The following NTRK3 variants were observed in gnomAD, a reference collection of about 807,000 sequenced individuals.
NTRK3 encodes NT-3 growth factor receptor.
NTRK3 carries 24 observed loss-of-function variants against 91.7 expected under a neutral mutation model. That is an observed-to-expected ratio of 0.26 (90% CI 0.19 to 0.37). NTRK3 has a LOEUF of 0.37. NTRK3 is among the 10% of genes least tolerant of loss of function. The pLI is 1.00. For missense variants in NTRK3, 880 were observed against 1,068.9 expected (o/e 0.82, Z 2.46); for synonymous variants, 483 against 404.0 (o/e 1.20, Z -2.34).
chr15:87,959,403 T>C (rs1217148728), intron 14 of NTRK3, among the ~76,000 whole-genome samples: 1 of 152,144 alleles, frequency 6.6e-6, no homozygotes, highest in Non-Finnish European at 1.5e-5. Flanking sequence ...TGTGACTCTC[T>C]GGAAACATCA....
intron 17 of NTRK3, among the ~76,000 whole-genome samples, chr15:87,917,367 C>G (rs1342694319): frequency 1.3e-5 from 2 of 152,192 alleles, no homozygotes; most frequent in Admixed American, 6.5e-5. Context: ...AGCAAACCAT[C>G]TGTCTGGGAT....
At chr15:87,914,488 C>T (rs1193409874) in intron 17 of NTRK3, among the ~76,000 whole-genome samples, 1 of 152,152 alleles carries the variant, frequency 6.6e-6, no homozygotes, top group African/African-American at 2.4e-5. Context: ...AAGATTTAGG[C>T]AAGTGGGGAC....
At chr15:88,144,419 T>C (rs2042686270) in intron 6 of NTRK3, among the ~76,000 whole-genome samples, 1 of 152,118 alleles carries the variant, frequency 6.6e-6, no homozygotes, top group Non-Finnish European at 1.5e-5. Context: ...AGGGTCTTGG[T>C]GCACTGCAGG....
chr15:88,121,869 C>T (rs1408491999), intron 13 of NTRK3, among the ~76,000 whole-genome samples: 1 of 152,248 alleles, frequency 6.6e-6, no homozygotes, highest in African/African-American at 2.4e-5. Flanking sequence ...TTAGCACCAT[C>T]TTAAAACCTT....
chr15:87,940,761 A>T lies in NTRK3; in HGVS notation c.1586-8T>A, dbSNP rs539611692. The stretch of plus-strand genomic sequence containing the variant: ...TCTTAATGTGCTGCACATCTGTAGG[A>T]TGGGGACAAAGAGGAGGGCAGCAAA... On this transcript the variant is annotated splice_region_variant and splice_polypyrimidine_tract_variant and intron_variant, in intron 14 of 18. Coordinates refer to ENST00000394480, the Ensembl canonical transcript of NTRK3. 5.6e-6 allele frequency: 9 copies of T among 1,614,090 alleles called. No homozygotes were observed. The African/African-American group carries it at 1.1e-4, about 19-fold the overall frequency.
chr15:88,186,019 G>C (rs2046915877), intron 3 of NTRK3, among the ~76,000 whole-genome samples: 1 of 152,194 alleles, frequency 6.6e-6, no homozygotes, highest in African/African-American at 2.4e-5. Context: ...AGGGCAGTTT[G>C]GGTGGTCTGG....
intron 13 of NTRK3, among the ~76,000 whole-genome samples, chr15:88,076,862 G>A (rs758674717): frequency 6.6e-6 from 1 of 152,064 alleles, no homozygotes; most frequent in Non-Finnish European, 1.5e-5. Context: ...GGAATCCGAG[G>A]TGGGTGGATC....
intron 18 of NTRK3, 100 bp from the exon 20 acceptor site, chr15:87,877,220 A>G: frequency 1.6e-6 from 2 of 1,260,064 alleles, no homozygotes; most frequent in Non-Finnish European, 2.3e-6. Context: ...ATTAGTTTCT[A>G]TGCAGAGCCG....
intron 13 of NTRK3, among the ~76,000 whole-genome samples, chr15:88,040,194 T>A (rs2079467745): frequency 6.6e-6 from 1 of 152,242 alleles, no homozygotes. Flanking sequence ...GAGGAAAGTC[T>A]TTGAAGAGGA....
At chr15:87,914,443 C>G (rs898854711) in intron 17 of NTRK3, among the ~76,000 whole-genome samples, 1 of 152,140 alleles carries the variant, frequency 6.6e-6, no homozygotes, top group Non-Finnish European at 1.5e-5. Context: ...ACCACTGGTG[C>G]CCAGTGAGTG....
chr15:87,913,322 T>C (rs908733294), intron 17 of NTRK3, among the ~76,000 whole-genome samples: 3 of 152,082 alleles, frequency 2.0e-5, no homozygotes, highest in Non-Finnish European at 1.5e-5. Flanking sequence ...ATAAACTCAA[T>C]ATCTATGTCA....
intron 13 of NTRK3, among the ~76,000 whole-genome samples, chr15:88,047,926 C>T (rs955788079): frequency 6.6e-6 from 1 of 152,202 alleles, no homozygotes; most frequent in African/African-American, 2.4e-5. Flanking sequence ...GAACTCCAGA[C>T]ACTAGTGATG....
intron 3 of NTRK3, among the ~76,000 whole-genome samples, chr15:88,221,404 C>T (rs767926243): frequency 6.6e-6 from 1 of 152,190 alleles, no homozygotes; most frequent in Admixed American, 6.5e-5. Flanking sequence ...AGAAAAATAA[C>T]AGCAATTTTA....
chr15:88,108,228 A>G (rs1321344415), intron 13 of NTRK3, among the ~76,000 whole-genome samples: 1 of 152,162 alleles, frequency 6.6e-6, no homozygotes, highest in Non-Finnish European at 1.5e-5. Flanking sequence ...CATGAAACCC[A>G]CAGAATGGCT....
intron 3 of NTRK3, among the ~76,000 whole-genome samples, chr15:88,213,451 G>A (rs1446465599): frequency 1.3e-5 from 2 of 152,226 alleles, no homozygotes; most frequent in East Asian, 1.9e-4. Context: ...GATGCTGTGA[G>A]GGTGTGCCCA....
At chr15:88,248,231 C>A (rs2053024813) in intron 3 of NTRK3, among the ~76,000 whole-genome samples, 1 of 152,134 alleles carries the variant, frequency 6.6e-6, no homozygotes, top group South Asian at 2.1e-4. Context: ...GATGAGGAGG[C>A]CTGGGAAGAG....
exon 19 of NTRK3, chr15:87,869,871 C>T (rs947676447): frequency 1.6e-5 from 3 of 192,104 alleles, no homozygotes; most frequent in Non-Finnish European, 3.3e-5. Flanking sequence ...TACCATTTAA[C>T]ATATTACAAA....
intron 3 of NTRK3, among the ~76,000 whole-genome samples, chr15:88,204,585 G>C (rs1424290402): frequency 1.3e-5 from 2 of 152,120 alleles, no homozygotes; most frequent in African/African-American, 2.4e-5. Flanking sequence ...GTTTTTGTGG[G>C]TGTATCTTTT....
chr15:88,137,262 T>G (rs1597521303), intron 7 of NTRK3, 142 bp downstream of exon 7: 1 of 901,650 alleles, frequency 1.1e-6, no homozygotes, highest in Admixed American at 2.0e-5. Flanking sequence ...AGTCAGGAGG[T>G]CTGCACACAA....
Sources: allele counts gnomAD v4.1 joint callset (sites outside exome capture counted in the v4.1 genomes callset), GRCh38; gene constraint gnomAD v4.1.1; transcripts MANE v1.5; gene names NCBI Gene and HGNC (gene_info 2026-07-23, HGNC 2026-07-21).